Variants in GALNT17 observed in about 807,000 individuals in gnomAD.
The protein encoded by GALNT17 is UDP-GalNAc:polypeptide N-acetylgalactosaminyltransferase-like 3.
Under a neutral mutation model 63.7 loss-of-function variants are expected in GALNT17, and 29 were observed. That is an observed-to-expected ratio of 0.46 (90% CI 0.34 to 0.62). The LOEUF (loss-of-function observed/expected upper bound fraction) is 0.62, where lower values mean the gene tolerates loss of function less well. Among genes scored for constraint, GALNT17 ranks in the 20% least tolerant of loss-of-function variants. The pLI is 0.01. For missense variants in GALNT17, 603 were observed against 799.6 expected (o/e 0.75, Z 2.97); for synonymous variants, 305 against 318.3 (o/e 0.96, Z 0.45).
chr7:71,639,282 G>C lies in GALNT17; in HGVS notation c.1081-26129G>C, dbSNP rs116146372. On this transcript the variant is annotated intron_variant, in intron 6 of 10. Coordinates refer to ENST00000333538, the MANE Select transcript of GALNT17 (RefSeq NM_022479.3). Reference sequence around the variant, plus strand: ...AGGAGTCAACAGATAAAAACCATTTGAGGAGACTTGAATGGCACTTGGTGA... The same window carrying C: ...AGGAGTCAACAGATAAAAACCATTTCAGGAGACTTGAATGGCACTTGGTGA... Among the ~76,000 whole-genome samples, 430 of 152,310 alleles carry C rather than the reference G, an allele frequency of 2.8e-3. 5 individuals carry two copies. Among genetic ancestry groups the C allele is most frequent in the African/African-American group, 0.01 (420 of 41,558 alleles).
chr7:71,587,843 A>G (rs1405820884), intron 6 of GALNT17, among the ~76,000 whole-genome samples: 1 of 152,236 alleles, frequency 6.6e-6, no homozygotes, highest in Non-Finnish European at 1.5e-5. Context: ...GTAACTGATG[A>G]AGGAATCTTA....
At chr7:71,251,502 T>C (rs1250024963) in intron 1 of GALNT17, among the ~76,000 whole-genome samples, 1 of 152,060 alleles carries the variant, frequency 6.6e-6, no homozygotes, top group Non-Finnish European at 1.5e-5. Flanking sequence ...CTTGAACTCC[T>C]GGGTTCAAGC....
chr7:71,189,988 C>T (rs943547655), intron 1 of GALNT17, among the ~76,000 whole-genome samples: 10 of 151,714 alleles, frequency 6.6e-5, no homozygotes, highest in East Asian at 1.9e-4. Context: ...TTTTTTTGTA[C>T]TTTTAGTAGA....
At chr7:71,550,941 A>G (rs1789066832) in intron 5 of GALNT17, among the ~76,000 whole-genome samples, 1 of 151,972 alleles carries the variant, frequency 6.6e-6, no homozygotes, top group Admixed American at 6.5e-5. Flanking sequence ...ATCTAAGGAT[A>G]GATTTCTTTT....
Position 71,524,242 on chromosome 7 carries a change from A to G in GALNT17, c.963-47043A>G, listed in dbSNP as rs1476068829. Among the ~76,000 whole-genome samples, 21 of 147,206 alleles carry G rather than the reference A, an allele frequency of 1.4e-4. No individual in the cohort carries two copies. The East Asian group carries it at 3.5e-3, about 25-fold the overall frequency. Reference sequence around the variant, plus strand: ...ATTATTATATTATATTATATATATAATAATAATATATATTATATTATATAT... The same window carrying G: ...ATTATTATATTATATTATATATATAGTAATAATATATATTATATTATATAT... On this transcript the variant is annotated intron_variant, in intron 5 of 10. Coordinates refer to ENST00000333538, the MANE Select transcript of GALNT17 (RefSeq NM_022479.3).
chr7:71,221,778 G>T (rs1186520879), intron 1 of GALNT17, among the ~76,000 whole-genome samples: 1 of 152,138 alleles, frequency 6.6e-6, no homozygotes, highest in Admixed American at 6.5e-5. Flanking sequence ...TTTTAGACTT[G>T]CAGGAAAGTT....
At chr7:71,236,759 C>T (rs954219555) in intron 1 of GALNT17, among the ~76,000 whole-genome samples, 9 of 152,154 alleles carry the variant, frequency 5.9e-5, no homozygotes, top group Non-Finnish European at 8.8e-5. Flanking sequence ...TGACCTCCCT[C>T]GCAGCACTTC....
intron 9 of GALNT17, among the ~76,000 whole-genome samples, chr7:71,698,359 A>T (rs1343881279): frequency 6.6e-6 from 1 of 152,194 alleles, no homozygotes; most frequent in African/African-American, 2.4e-5. Flanking sequence ...ATTTATAAAC[A>T]CATAAATCTA....
In GALNT17 at chr7:71,283,581, G is replaced by A. The variant is rs371141344; in HGVS notation, c.239-51969G>A. On this transcript the variant is annotated intron_variant, in intron 1 of 10. Transcript: ENST00000333538. ...AAAGAAAATCTATTCCAGATGATAT[G>A]GTTTGGCTGTGTCCCCATCCAAATC... Among the ~76,000 whole-genome samples the A allele has an allele frequency of 9.2e-5, 14 of 152,240 alleles. No individual in the cohort carries two copies. In the East Asian group the frequency reaches 1.2e-3, roughly 13 times the overall value.
intron 5 of GALNT17, among the ~76,000 whole-genome samples, chr7:71,425,676 C>T: frequency 6.7e-6 from 1 of 149,064 alleles, no homozygotes; most frequent in South Asian, 2.1e-4. Flanking sequence ...TTGATCTTGC[C>T]TTTACACTCA....
At chr7:71,276,816 G>A (rs958855861) in intron 1 of GALNT17, among the ~76,000 whole-genome samples, 1 of 151,998 alleles carries the variant, frequency 6.6e-6, no homozygotes, top group South Asian at 2.1e-4. Flanking sequence ...TGGCCAACAT[G>A]GTGAAACCCC....
At chr7:71,401,950 C>T (rs951451757) in intron 3 of GALNT17, among the ~76,000 whole-genome samples, 2 of 152,206 alleles carry the variant, frequency 1.3e-5, no homozygotes, top group South Asian at 4.1e-4. Context: ...TGGTCTTCCA[C>T]CAAAGTTGTT....
chr7:71,239,109 A>G (rs1306593242), intron 1 of GALNT17, among the ~76,000 whole-genome samples: 1 of 152,210 alleles, frequency 6.6e-6, no homozygotes, highest in African/African-American at 2.4e-5. Context: ...ACCTTGAGTC[A>G]GAGGCACCAA....
chr7:71,314,558 C>G (rs1054574831), intron 1 of GALNT17, among the ~76,000 whole-genome samples: 1 of 152,074 alleles, frequency 6.6e-6, no homozygotes, highest in Admixed American at 6.5e-5. Context: ...GACAAAGAGC[C>G]CTTCCGATAT....
At chr7:71,146,130 A>G (rs1292283464) in intron 1 of GALNT17, among the ~76,000 whole-genome samples, 4 of 151,954 alleles carry the variant, frequency 2.6e-5, no homozygotes, top group Non-Finnish European at 5.9e-5. Flanking sequence ...AGACGGGTGG[A>G]TGGAGTGGCC....
chr7:71,679,637 C>T (rs920525659), intron 9 of GALNT17, among the ~76,000 whole-genome samples: 15 of 151,846 alleles, frequency 9.9e-5, no homozygotes, highest in African/African-American at 3.4e-4. Flanking sequence ...CCAGTTTGGC[C>T]GGAACTTTGA....
intron 1 of GALNT17, among the ~76,000 whole-genome samples, chr7:71,257,120 C>G (rs1478516752): frequency 3.9e-5 from 6 of 152,140 alleles, no homozygotes; most frequent in Non-Finnish European, 5.9e-5. Context: ...AGTTTGTAAC[C>G]TCCATTGGTT....
intron 5 of GALNT17, among the ~76,000 whole-genome samples, chr7:71,533,966 C>T (rs1460197135): frequency 6.6e-6 from 1 of 152,038 alleles, no homozygotes; most frequent in African/African-American, 2.4e-5. Flanking sequence ...AACAGGAATT[C>T]GGAGTAAGGA....
chr7:71,433,338 T>G (rs920962106), intron 5 of GALNT17, among the ~76,000 whole-genome samples: 2 of 152,212 alleles, frequency 1.3e-5, no homozygotes, highest in Admixed American at 6.5e-5. Flanking sequence ...TACCCACTAC[T>G]AGGGGTCACC....
Sources: gnomAD v4.1 joint callset for allele counts (sites outside exome capture counted in the v4.1 genomes callset) on GRCh38, gnomAD v4.1.1 for gene constraint, MANE v1.5 for transcripts, NCBI Gene and HGNC (gene_info 2026-07-23, HGNC 2026-07-21) for gene names.